The following DAB1 variants were observed in gnomAD, a reference collection of about 807,000 sequenced individuals.
DAB1 encodes the protein DAB adaptor protein 1.
Under a neutral mutation model 64.6 loss-of-function variants are expected in DAB1, and 15 were observed. That is an observed-to-expected ratio of 0.23 (90% CI 0.16 to 0.36). DAB1 has a LOEUF of 0.36. Ranked by LOEUF, DAB1 falls within the 10% of genes least tolerant of loss-of-function variation. DAB1 has a pLI of 1.00. For missense variants in DAB1, 596 were observed against 706.7 expected (o/e 0.84, Z 1.78); for synonymous variants, 235 against 251.9 (o/e 0.93, Z 0.64).
intron 9 of DAB1, among the ~76,000 whole-genome samples, chr1:57,059,374 G>A (rs917469483): frequency 6.6e-6 from 1 of 152,150 alleles, no homozygotes; most frequent in Non-Finnish European, 1.5e-5. Context: ...ATGAAACCAG[G>A]TGGAACCTAG....
chr1:58,421,378 TA>T (rs1644770307), intron 3 of DAB1, among the ~76,000 whole-genome samples: 1 of 152,214 alleles, frequency 6.6e-6, no homozygotes, highest in Non-Finnish European at 1.5e-5. Flanking sequence ...ATTCTGTCCA[TA>T]AATAACTCCT....
At chr1:57,701,612 G>A (rs1646908829) in intron 6 of DAB1, among the ~76,000 whole-genome samples, 1 of 151,896 alleles carries the variant, frequency 6.6e-6, no homozygotes, top group Non-Finnish European at 1.5e-5. Flanking sequence ...GTTAATGGGT[G>A]CAGCACACCA....
At chr1:57,423,576 G>A (rs565506402) in intron 1 of DAB1, among the ~76,000 whole-genome samples, 114 of 152,162 alleles carry the variant, frequency 7.5e-4, no homozygotes, top group African/African-American at 2.7e-3. Context: ...CAGGACCGCA[G>A]GAGGAAAGAG....
At chr1:58,001,522 G>C (rs1162536594) in intron 5 of DAB1, among the ~76,000 whole-genome samples, 1 of 151,998 alleles carries the variant, frequency 6.6e-6, no homozygotes, top group African/African-American at 2.4e-5. Context: ...GGCCTCCCAA[G>C]GTGCTGGGAT....
chr1:58,377,421 T>C (rs1309316871), intron 3 of DAB1, among the ~76,000 whole-genome samples: 82 of 141,496 alleles, frequency 5.8e-4, no homozygotes, highest in African/African-American at 2.2e-3. Flanking sequence ...AAGTATTTTA[T>C]TTCTCCTTCA....
intron 7 of DAB1, among the ~76,000 whole-genome samples, chr1:57,502,252 G>A (rs1035435594): frequency 6.7e-6 from 1 of 150,182 alleles, no homozygotes. Context: ...CCTGGGAGGC[G>A]GAGCTTGTAG....
chr1:57,506,215 G>C (rs1324749214), intron 7 of DAB1, among the ~76,000 whole-genome samples: 1 of 152,088 alleles, frequency 6.6e-6, no homozygotes, highest in African/African-American at 2.4e-5. Flanking sequence ...AGGAGGAAAG[G>C]GGAACTTTTT....
At chr1:57,574,694 T>C (rs969465917) in intron 7 of DAB1, among the ~76,000 whole-genome samples, 7 of 152,188 alleles carry the variant, frequency 4.6e-5, no homozygotes, top group African/African-American at 1.7e-4. Flanking sequence ...GGCAGATATC[T>C]AGACTAGAAC....
intron 7 of DAB1, among the ~76,000 whole-genome samples, chr1:57,569,127 G>A (rs566860766): frequency 6.0e-5 from 9 of 149,652 alleles, no homozygotes; most frequent in Admixed American, 1.3e-4. Flanking sequence ...GCGAGATGGC[G>A]GGCGCCTGTA....
At chr1:57,096,293 C>A (rs1654159678) in intron 4 of DAB1, among the ~76,000 whole-genome samples, 1 of 152,112 alleles carries the variant, frequency 6.6e-6, no homozygotes, top group South Asian at 2.1e-4. Flanking sequence ...TGCTTAAAAG[C>A]TTACTGCTCA....
chr1:58,198,302 G>GTAT (rs1162915472), intron 4 of DAB1, among the ~76,000 whole-genome samples: 1 of 152,260 alleles, frequency 6.6e-6, no homozygotes, highest in East Asian at 1.9e-4. Flanking sequence ...AATGGAAAGA[G>GTAT]TATTAAGGTG....
intron 6 of DAB1, among the ~76,000 whole-genome samples, chr1:57,716,160 G>A (rs1647081938): frequency 6.6e-6 from 1 of 152,060 alleles, no homozygotes; most frequent in Admixed American, 6.6e-5. Flanking sequence ...CACCCGCCTT[G>A]GCCTTCAAAA....
chr1:57,475,176 C>T (rs1461602243), intron 7 of DAB1, among the ~76,000 whole-genome samples: 3 of 152,182 alleles, frequency 2.0e-5, no homozygotes, highest in Non-Finnish European at 4.4e-5. Flanking sequence ...ACTCAGGAGG[C>T]TGAGGCAGGA....
chr1:57,740,046 C>CAAAAAAAAAAAAAAAAA (rs34382329), intron 6 of DAB1, among the ~76,000 whole-genome samples: 1 of 103,140 alleles, frequency 9.7e-6, no homozygotes, highest in Non-Finnish European at 1.9e-5. Context: ...ACTACTACTA[C>CAAAAAAAAAAAAAAAAA]AAAAAAAAAA....
At chr1:57,657,914 G>A (rs773728181) in intron 6 of DAB1, among the ~76,000 whole-genome samples, 2 of 152,042 alleles carry the variant, frequency 1.3e-5, no homozygotes, top group African/African-American at 4.8e-5. Context: ...ATAAATCTTC[G>A]ACCCCTAGTA....
intron 5 of DAB1, among the ~76,000 whole-genome samples, chr1:57,974,976 C>G (rs1645885752): frequency 6.6e-6 from 1 of 152,170 alleles, no homozygotes; most frequent in South Asian, 2.1e-4. Context: ...AAAAAACTCA[C>G]AGCCTACAAT....
At chr1:57,849,511 G>C (rs1172387951) in intron 1 of DAB1, among the ~76,000 whole-genome samples, 1 of 152,188 alleles carries the variant, frequency 6.6e-6, no homozygotes, top group Admixed American at 6.5e-5. Flanking sequence ...ATAGGATCTG[G>C]CAGTTGAAGG....
intron 1 of DAB1, among the ~76,000 whole-genome samples, chr1:57,859,831 G>A (rs1653928385): frequency 6.6e-6 from 1 of 152,186 alleles, no homozygotes; most frequent in African/African-American, 2.4e-5. Flanking sequence ...GCACCACTGT[G>A]AATACCAGGA....
intron 3 of DAB1, among the ~76,000 whole-genome samples, chr1:58,493,069 T>C (rs933498005): frequency 2.4e-4 from 36 of 152,192 alleles, no homozygotes; most frequent in African/African-American, 8.0e-4. Flanking sequence ...TTATCCACCA[T>C]GATCAAGTGG....
Sources: allele counts gnomAD v4.1 joint callset (sites outside exome capture counted in the v4.1 genomes callset), GRCh38; gene constraint gnomAD v4.1.1; transcripts MANE v1.5; gene names NCBI Gene and HGNC (gene_info 2026-07-23, HGNC 2026-07-21).